CLUAP1: variants seen among roughly 807,000 people sequenced by gnomAD.
CLUAP1 encodes the protein clusterin-associated protein 1.
A neutral mutation model predicts 55.0 loss-of-function variants in CLUAP1; 50 were observed. The observed-to-expected ratio is 0.91, with a 90% CI of 0.72 to 1.15. The LOEUF (loss-of-function observed/expected upper bound fraction) is 1.15. Among genes scored for constraint, CLUAP1 ranks in the 50% most tolerant of loss-of-function variants. CLUAP1 has a pLI of 0.00. For synonymous variants in CLUAP1, 195 were observed against 175.4 expected, an observed-to-expected ratio of 1.11 and a Z score of -0.88; for missense variants, 530 against 507.6, an observed-to-expected ratio of 1.04 and a Z score of -0.42.
chr16:3,507,524 C>T (rs2037530887), intron 3 of CLUAP1, among the ~76,000 whole-genome samples: 1 of 150,282 alleles, frequency 6.7e-6, no homozygotes, highest in Admixed American at 6.6e-5. Context: ...CATGTCATTG[C>T]ACTCCAGCCC....
upstream of CLUAP1, among the ~76,000 whole-genome samples, chr16:3,498,703 C>CA (rs956918371): frequency 2.6e-5 from 4 of 151,806 alleles, no homozygotes; most frequent in Admixed American, 2.6e-4. Flanking sequence ...ACTAAAAATA[C>CA]AAAAAAATTA....
chr16:3,529,704 TA>T (rs2038056477), intron 9 of CLUAP1, among the ~76,000 whole-genome samples: 9 of 29,012 alleles, frequency 3.1e-4, no homozygotes, highest in Non-Finnish European at 4.1e-4. Context: ...TTATATATTA[TA>T]TATTATATAA....
intron 1 of CLUAP1, among the ~76,000 whole-genome samples, chr16:3,504,064 T>G (rs961598533): frequency 1.3e-4 from 20 of 152,334 alleles, no homozygotes; most frequent in Admixed American, 1.3e-3. Context: ...GCACTAAGGC[T>G]TTTCCTGAGG....
upstream of CLUAP1, among the ~76,000 whole-genome samples, chr16:3,499,405 TTTG>T (rs2037347182): frequency 6.6e-6 from 1 of 152,262 alleles, no homozygotes; most frequent in African/African-American, 2.4e-5. Context: ...TCAAGAGTTT[TTTG>T]TTGTTTTAGC....
chr16:3,523,254 A>G lies in CLUAP1; in HGVS notation c.810A>G (p.Glu270=). Residue 270 remains glutamate (E), a synonymous_variant, in exon 8 of 12, where the codon GAA becomes GAG. Transcript: ENST00000576634. The part of the protein sequence containing the change: ...LEKFQNLTYL[E]QQLEDHHRME... ...AATTTCAAAATCTGACTTATCTGGAACAACAGCTTGAAGACCATCATAGGA... is the reference window on the plus strand; with the variant it reads ...AATTTCAAAATCTGACTTATCTGGAGCAACAGCTTGAAGACCATCATAGGA... The G allele has an allele frequency of 2.5e-6, 4 of 1,613,932 alleles. No individual in the cohort carries two copies. Among genetic ancestry groups the G allele is most frequent in the Non-Finnish European group, 3.4e-6 (4 of 1,179,992 alleles).
chr16:3,530,571 A>G lies in CLUAP1; in HGVS notation c.932A>G (p.Asn311Ser). 1 of 1,613,470 alleles carries G rather than the reference A, an allele frequency of 6.2e-7. No individual in the cohort carries two copies. The highest frequency in any genetic ancestry group is 1.7e-5 in the Admixed American group (1 of 60,002). The change falls in exon 10 of 12, where the codon AAC (asparagine) becomes AGC (serine). Residue 311 changes from asparagine (N) to serine (S), a missense_variant. By Grantham distance (46) the Asn-to-Ser change is conservative. Coordinates refer to ENST00000576634, the MANE Select transcript of CLUAP1 (RefSeq NM_015041.3). ...TGCCTGCTTGTGTTCCTGCTAGGTA[A>G]CGATGACTCGGACATAGACATCCAG... is the stretch of plus-strand genomic sequence containing the variant. Reference protein sequence around the residue: ...EEKRLLKSGSNDDSDIDIQED... With the variant: ...EEKRLLKSGSSDDSDIDIQED...
At chr16:3,518,651 A>C (rs1320698703) in intron 6 of CLUAP1, among the ~76,000 whole-genome samples, 2 of 152,222 alleles carry the variant, frequency 1.3e-5, no homozygotes, top group African/African-American at 4.8e-5. Flanking sequence ...TCTTCCTGTG[A>C]GGGTGAACTC....
In CLUAP1 at chr16:3,532,509, G is replaced by C. The variant is rs1207504730; in HGVS notation, c.1037-277G>C. On this transcript the variant is annotated intron_variant, in intron 10 of 11. Transcript: ENST00000576634. ...AGCTCACTGCAACCTCTGCTTCCTG[G>C]TTTCAAGCGAGTCTCCTGCCTCAGC... Among the ~76,000 whole-genome samples, 5 of 138,366 alleles carry C rather than the reference G, an allele frequency of 3.6e-5. No individual in the cohort carries two copies. The East Asian group carries it at 9.0e-4, about 25-fold the overall frequency. 90.8% of individuals were successfully genotyped at this position (138,366 alleles called of 152,430 possible). A position where few individuals can be genotyped will look rare whatever the true frequency, so the allele number is the denominator to read the frequency against.
chr16:3,507,079 C>T (rs2037521212), intron 3 of CLUAP1, among the ~76,000 whole-genome samples: 1 of 151,600 alleles, frequency 6.6e-6, no homozygotes, highest in Non-Finnish European at 1.5e-5. Context: ...ACCTGTAGTC[C>T]CAGCTACTCG....
chr16:3,526,532 T>G (rs2037947034), intron 9 of CLUAP1, 48 bp downstream of exon 9: 1 of 1,329,848 alleles, frequency 7.5e-7, no homozygotes, highest in Non-Finnish European at 1.0e-6. Flanking sequence ...ACTAGTATTT[T>G]CAGCCTTGAA....
At chr16:3,506,553 G>C in intron 3 of CLUAP1, 138 bp downstream of exon 3, 1 of 695,778 alleles carries the variant, frequency 1.4e-6, no homozygotes, top group Non-Finnish European at 2.4e-6. Flanking sequence ...CTCTCGCCCA[G>C]GCCGGAGTGC....
chr16:3,498,648 G>A (rs1162228654), upstream of CLUAP1, among the ~76,000 whole-genome samples: 2 of 151,948 alleles, frequency 1.3e-5, no homozygotes, highest in African/African-American at 2.4e-5. Flanking sequence ...TCATGAGGTC[G>A]GGAGATCCAG....
At chr16:3,511,915 G>A (rs1483756716) in intron 4 of CLUAP1, among the ~76,000 whole-genome samples, 4 of 152,280 alleles carry the variant, frequency 2.6e-5, no homozygotes, top group African/African-American at 4.8e-5. Flanking sequence ...GGCCGGGCAC[G>A]GTGGCTCACG....
Position 3,530,592 on chromosome 16 carries a change from T to C in CLUAP1, c.953T>C (p.Ile318Thr). 6.2e-7 allele frequency: 1 copy of C among 1,613,938 alleles called. No homozygotes were observed. Among genetic ancestry groups the C allele is most frequent in the Non-Finnish European group, 8.5e-7 (1 of 1,179,950 alleles). ...GGTAACGATGACTCGGACATAGACA[T>C]CCAGGAGGACGATGAATCCGACAGT... ...SGSNDDSDID[I>T]QEDDESDSEL... Residue 318 changes from isoleucine to threonine, a missense_variant, in exon 10 of 12, where the codon ATC becomes ACC. Physicochemically the swap from Ile to Thr is moderately conservative, Grantham distance 89. Coordinates refer to ENST00000576634, the MANE Select transcript of CLUAP1 (RefSeq NM_015041.3).
At chr16:3,514,624 G>C (rs984401119) in intron 5 of CLUAP1, among the ~76,000 whole-genome samples, 1 of 152,222 alleles carries the variant, frequency 6.6e-6, no homozygotes, top group African/African-American at 2.4e-5. Context: ...GTTTCTCACA[G>C]TTCTGGAGAT....
chr16:3,501,190 C>T lies in CLUAP1; in HGVS notation c.22+101C>T, dbSNP rs1289118445. Reference sequence around the variant, plus strand: ...TAGGCGATCCCTGAGGCTTGCGCTGCCGGAGGCTCCTTTCGGGCCTCTGCG... The same window carrying T: ...TAGGCGATCCCTGAGGCTTGCGCTGTCGGAGGCTCCTTTCGGGCCTCTGCG... On this transcript the variant is annotated intron_variant, in intron 1 of 11. Coordinates refer to ENST00000576634, the MANE Select transcript of CLUAP1 (RefSeq NM_015041.3). The T allele has an allele frequency of 1.0e-5, 13 of 1,279,214 alleles. No homozygotes were observed. The East Asian group carries it at 3.0e-4, about 30-fold the overall frequency. The allele number at this position is 1,279,214 out of a possible 1,614,324, so 79.2% of individuals were successfully genotyped here.
chr16:3,504,696 T>A, intron 1 of CLUAP1, 24 bp from the exon 2 acceptor site: 1 of 1,300,012 alleles, frequency 7.7e-7, no homozygotes, highest in South Asian at 1.2e-5. Context: ...GGGAACTGAA[T>A]GAATTGTATT....
chr16:3,495,751 G>A, the CLUAP1 span, among the ~76,000 whole-genome samples: 6 of 152,322 alleles, frequency 3.9e-5, no homozygotes, highest in Middle Eastern at 3.4e-3. Context: ...TTCCTCATCT[G>A]GGGTGGGAAA....
In CLUAP1 at chr16:3,532,793, T is replaced by C; in HGVS notation, c.1044T>C (p.Pro348=). 1 of 1,614,124 alleles carries C rather than the reference T, an allele frequency of 6.2e-7. No homozygotes were observed. Among genetic ancestry groups the C allele is most frequent in the Non-Finnish European group, 8.5e-7 (1 of 1,180,000 alleles). The change falls in exon 11 of 12, where the codon CCT becomes CCC. Residue 348 remains proline (P), a synonymous_variant. Coordinates refer to ENST00000576634, the MANE Select transcript of CLUAP1 (RefSeq NM_015041.3). The part of the protein sequence containing the change: ...TAMEMLMQGR[P]GKRIVGTMQG... ...TGCTTTTGTTGTTCTCAGGAAGACC[T>C]GGCAAACGCATTGTGGGCACGATGC...
Sources: allele counts gnomAD v4.1 joint callset (sites outside exome capture counted in the v4.1 genomes callset), GRCh38; gene constraint gnomAD v4.1.1; transcripts MANE v1.5; gene names NCBI Gene and HGNC (gene_info 2026-07-23, HGNC 2026-07-21).